The following ANO2 variants were observed in gnomAD, a reference collection of about 807,000 sequenced individuals.
The protein encoded by ANO2 is anoctamin 2, also known as anoctamin-2.
Under a neutral mutation model 124.2 loss-of-function variants are expected in ANO2, and 101 were observed. That is an observed-to-expected ratio of 0.81 (90% confidence interval 0.69 to 0.96). The LOEUF is 0.96. Ranked by LOEUF, ANO2 falls within the 40% of genes least tolerant of loss-of-function variation. The pLI, the probability that ANO2 is intolerant of heterozygous loss-of-function variation, is 0.00. For missense variants in ANO2, 1,293 were observed against 1,274.5 expected (o/e 1.01, Z -0.22); for synonymous variants, 486 against 482.5 (o/e 1.01, Z -0.09).
At chr12:5,941,451 C>T (rs1236416873) in intron 1 of ANO2, among the ~76,000 whole-genome samples, 1 of 151,938 alleles carries the variant, frequency 6.6e-6, no homozygotes, top group Non-Finnish European at 1.5e-5. Context: ...AAAAATTTAA[C>T]AGCACCTCAG....
At chr12:5,816,850 G>A (rs1343872104) in intron 7 of ANO2, among the ~76,000 whole-genome samples, 3 of 152,060 alleles carry the variant, frequency 2.0e-5, no homozygotes, top group East Asian at 1.9e-4. Context: ...CTGTTTCCAC[G>A]TCTGTCTGCA....
chr12:5,827,912 G>A lies in ANO2; in HGVS notation c.841-92C>T, dbSNP rs1332296553. 5 of 1,405,574 alleles carry A rather than the reference G, an allele frequency of 3.6e-6. No homozygotes were observed. In the Admixed American group the frequency reaches 8.7e-5, roughly 25 times the overall value. The allele number at this position is 1,405,574 out of a possible 1,614,324, so 87.1% of individuals were successfully genotyped here. A position where few individuals can be genotyped will look rare whatever the true frequency, so the allele number is the denominator to read the frequency against. On this transcript the variant is annotated intron_variant, in intron 6 of 24. Coordinates refer to ENST00000682330, the MANE Select transcript of ANO2 (RefSeq NM_001364791.2). Reference sequence around the variant, plus strand: ...TCACCACTGCCTGGCAGGGGCGGGAGGCGCCCGGGCTCATTTGGAGCCAGG... The same window carrying A: ...TCACCACTGCCTGGCAGGGGCGGGAAGCGCCCGGGCTCATTTGGAGCCAGG...
rs1940531275 is a variant in ANO2, at chr12:5,904,384, T to A, written c.534+16656A>T. Reference sequence around the variant, plus strand: ...GCAGGGTTACACTGAAGGGTCTGAATGAGTGGGATTGGAAGGAGGGAGAGT... The same window carrying A: ...GCAGGGTTACACTGAAGGGTCTGAAAGAGTGGGATTGGAAGGAGGGAGAGT... On this transcript the variant is annotated intron_variant, in intron 3 of 24. Transcript: ENST00000682330. This position sits in a 1 kb window ranked among gnomAD's most constrained non-coding sequence, Gnocchi z 4.1. Among the ~76,000 whole-genome samples, 1 of 152,116 alleles carries A rather than the reference T, an allele frequency of 6.6e-6. No individual in the cohort carries two copies. The highest frequency in any genetic ancestry group is 2.4e-5 in the African/African-American group (1 of 41,432).
intron 14 of ANO2, among the ~76,000 whole-genome samples, chr12:5,727,322 A>G (rs1950477754): frequency 6.6e-6 from 1 of 152,030 alleles, no homozygotes; most frequent in Admixed American, 6.6e-5. Flanking sequence ...TTCGCCTTCC[A>G]CAATGATTAT....
chr12:5,901,566 G>A (rs1039282549), intron 3 of ANO2, among the ~76,000 whole-genome samples: 2 of 152,220 alleles, frequency 1.3e-5, no homozygotes, highest in Non-Finnish European at 2.9e-5. Context: ...AGAGCTGGGG[G>A]CATGGATGAG....
intron 10 of ANO2, among the ~76,000 whole-genome samples, chr12:5,793,842 C>T (rs1203925108): frequency 2.0e-5 from 3 of 152,164 alleles, no homozygotes; most frequent in African/African-American, 7.2e-5. Context: ...GCATTGTACT[C>T]CAACTCCTGT....
In ANO2 at chr12:5,921,295, A is replaced by G. The variant is rs373092482; in HGVS notation, c.279T>C (p.His93=). Residue 93 remains histidine (H), a synonymous_variant, in exon 3 of 25, where the codon CAT becomes CAC. Transcript: ENST00000682330. ...CATAGTCGACCTTCCTCTGACTGTC[A>G]TGGAAGTGCATGCGGCTAAGACGGG... The part of the protein sequence containing the change: ...LEARLSRMHF[H]DSQRKVDYVL... The G allele has an allele frequency of 2.4e-5, 38 of 1,613,840 alleles. No homozygotes were observed. The highest frequency in any genetic ancestry group is 1.0e-4 in the Admixed American group (6 of 60,006).
chr12:5,657,205 G>C (rs749788665), intron 14 of ANO2, among the ~76,000 whole-genome samples: 1 of 152,212 alleles, frequency 6.6e-6, no homozygotes, highest in Non-Finnish European at 1.5e-5. Flanking sequence ...GACTTGATGG[G>C]GGGTGGAGGT....
At chr12:5,611,198 T>C (rs1326484749) in intron 19 of ANO2, among the ~76,000 whole-genome samples, 1 of 152,086 alleles carries the variant, frequency 6.6e-6, no homozygotes, top group African/African-American at 2.4e-5. Flanking sequence ...CTCAAATTCC[T>C]GACCTCGTGA....
At chr12:5,888,987 C>T (rs1273298285) in intron 3 of ANO2, among the ~76,000 whole-genome samples, 3 of 152,238 alleles carry the variant, frequency 2.0e-5, no homozygotes, top group African/African-American at 4.8e-5. Context: ...CAGGAGCCCA[C>T]AGCTGGGGAG....
intron 4 of ANO2, among the ~76,000 whole-genome samples, chr12:5,848,585 G>T (rs1020792724): frequency 2.6e-5 from 4 of 152,126 alleles, no homozygotes; most frequent in African/African-American, 9.7e-5. Flanking sequence ...CCTGCACCAC[G>T]GGGCCCCAGC....
chr12:5,589,542 C>T (rs906727254), intron 20 of ANO2, among the ~76,000 whole-genome samples: 2 of 152,182 alleles, frequency 1.3e-5, no homozygotes, highest in Admixed American at 1.3e-4. Flanking sequence ...CAGTTACCCC[C>T]CTTTACAGGC....
chr12:5,800,932 G>A (rs771044418), intron 9 of ANO2, among the ~76,000 whole-genome samples: 3 of 152,172 alleles, frequency 2.0e-5, no homozygotes, highest in Admixed American at 6.5e-5. Flanking sequence ...CCCTGGGCAC[G>A]CCACCATTTA....
intron 7 of ANO2, among the ~76,000 whole-genome samples, chr12:5,808,473 A>G (rs1238430557): frequency 6.6e-6 from 1 of 152,106 alleles, no homozygotes; most frequent in Non-Finnish European, 1.5e-5. Context: ...ATGTCTCACC[A>G]ACTCGTAGTA....
chr12:5,563,619 G>C, intron 24 of ANO2, 51 bp from the exon 25 acceptor site: 1 of 1,601,320 alleles, frequency 6.2e-7, no homozygotes, highest in Non-Finnish European at 8.5e-7. Context: ...CCGGCCTGGG[G>C]AGGTGGCGGC....
At position 5,840,459 on chromosome 12, in the gene ANO2, C is replaced by A. The variant is rs113919987; in HGVS notation, c.634-7856G>T. ...CTTTCCTGGGGTGCGGGGAATGAAGCTGCATATATTGGACAGTATACAAGG... is the reference window on the plus strand; with the variant it reads ...CTTTCCTGGGGTGCGGGGAATGAAGATGCATATATTGGACAGTATACAAGG... On this transcript the variant is annotated intron_variant, in intron 4 of 24. Coordinates refer to ENST00000682330, the MANE Select transcript of ANO2 (RefSeq NM_001364791.2). Among the ~76,000 whole-genome samples, 504 of 152,110 alleles carry A rather than the reference C, an allele frequency of 3.3e-3. 1 individual carries two copies. Among genetic ancestry groups the A allele is most frequent in the African/African-American group, 9.7e-3 (402 of 41,486 alleles).
intron 9 of ANO2, among the ~76,000 whole-genome samples, chr12:5,804,380 A>G (rs1953129388): frequency 6.6e-6 from 1 of 152,172 alleles, no homozygotes; most frequent in Admixed American, 6.5e-5. Flanking sequence ...CTTCACGAAC[A>G]TTCAGGGACA....
chr12:5,837,979 GA>G (rs1351205202), intron 4 of ANO2, among the ~76,000 whole-genome samples: 2 of 151,470 alleles, frequency 1.3e-5, no homozygotes, highest in African/African-American at 2.4e-5. Flanking sequence ...GACTAATAAA[GA>G]AAAAAAGAGA....
intron 7 of ANO2, among the ~76,000 whole-genome samples, chr12:5,809,983 T>C (rs1053417114): frequency 3.3e-5 from 5 of 152,222 alleles, no homozygotes; most frequent in African/African-American, 9.7e-5. Context: ...TCCAGCTGAT[T>C]GTTCTGCCTC....
Sources: allele counts gnomAD v4.1 joint callset (sites outside exome capture counted in the v4.1 genomes callset), GRCh38; gene constraint gnomAD v4.1.1; non-coding constraint Gnocchi (gnomAD v3.1); transcripts MANE v1.5; gene names NCBI Gene and HGNC (gene_info 2026-07-23, HGNC 2026-07-21).